The following PHACTR3 variants were observed in gnomAD, a reference collection of about 807,000 sequenced individuals.
The protein encoded by PHACTR3 is protein phosphatase 1, regulatory subunit 123.
A neutral mutation model predicts 66.8 loss-of-function variants in PHACTR3; 16 were observed. The ratio of observed to expected loss-of-function variants is 0.24; its 90% CI spans 0.16 to 0.36. The LOEUF is 0.36. Ranked by LOEUF, PHACTR3 falls within the 10% of genes least tolerant of loss-of-function variation. The pLI, the probability that PHACTR3 is intolerant of heterozygous loss-of-function variation, is 1.00. For missense variants in PHACTR3, 647 were observed against 719.9 expected (o/e 0.90, Z 1.16); for synonymous variants, 323 against 292.1 (o/e 1.11, Z -1.08).
intron 1 of PHACTR3, among the ~76,000 whole-genome samples, chr20:59,723,483 T>C (rs185687081): frequency 2.7e-4 from 41 of 152,254 alleles, no homozygotes; most frequent in African/African-American, 9.6e-4. Flanking sequence ...TAGACCATAC[T>C]CTCTTTATCC....
chr20:59,814,666 G>A (rs1461735641), intron 8 of PHACTR3, among the ~76,000 whole-genome samples: 1 of 152,080 alleles, frequency 6.6e-6, no homozygotes, highest in Non-Finnish European at 1.5e-5. Flanking sequence ...CTTCCCTCCA[G>A]TTTCACACAC....
intron 5 of PHACTR3, among the ~76,000 whole-genome samples, chr20:59,770,009 C>T (rs374939511): frequency 2.6e-5 from 4 of 152,168 alleles, no homozygotes; most frequent in African/African-American, 7.2e-5. Context: ...TTTATTCTGG[C>T]GAATGTATAA....
chr20:59,602,625 C>A (rs572237167), upstream of PHACTR3, among the ~76,000 whole-genome samples: 1 of 152,112 alleles, frequency 6.6e-6, no homozygotes, highest in East Asian at 1.9e-4. Context: ...TCCTCCCCCC[C>A]ACCTATAGCC....
intron 1 of PHACTR3, among the ~76,000 whole-genome samples, chr20:59,648,547 G>A (rs928172252): frequency 4.6e-5 from 7 of 152,184 alleles, no homozygotes; most frequent in African/African-American, 1.7e-4. Context: ...CAGCAAGAGG[G>A]TGGCTTAATC....
intron 7 of PHACTR3, among the ~76,000 whole-genome samples, chr20:59,782,162 T>C (rs2040747458): frequency 6.6e-6 from 1 of 152,160 alleles, no homozygotes; most frequent in African/African-American, 2.4e-5. Flanking sequence ...TATTAGTCCG[T>C]TTTCACACTG....
intron 1 of PHACTR3, among the ~76,000 whole-genome samples, chr20:59,596,840 A>G (rs1032058614): frequency 6.6e-6 from 1 of 152,242 alleles, no homozygotes; most frequent in African/African-American, 2.4e-5. Context: ...GGTCACGTGC[A>G]GGCACCAGTG....
intron 8 of PHACTR3, among the ~76,000 whole-genome samples, chr20:59,816,188 C>A (rs919091971): frequency 4.0e-5 from 6 of 151,872 alleles, no homozygotes; most frequent in Non-Finnish European, 7.4e-5. Flanking sequence ...AAGAAGTGTG[C>A]AACCCAGATC....
At chr20:59,590,669 G>A (rs975345244) in intron 1 of PHACTR3, among the ~76,000 whole-genome samples, 4 of 152,114 alleles carry the variant, frequency 2.6e-5, no homozygotes, top group Admixed American at 1.3e-4. Flanking sequence ...GACTTTTTGG[G>A]CTACAACAAC....
At chr20:59,846,978 C>T (rs2059162942) in intron 12 of PHACTR3, 137 bp from the exon 13 acceptor site, 1 of 591,248 alleles carries the variant, frequency 1.7e-6, no homozygotes, top group Non-Finnish European at 3.1e-6. Flanking sequence ...ACCAGAGTAG[C>T]TCCATCCTCA....
At chr20:59,840,585 C>T (rs562405002) in intron 10 of PHACTR3, among the ~76,000 whole-genome samples, 155 bp downstream of exon 10, 142 of 152,314 alleles carry the variant, frequency 9.3e-4, no homozygotes, top group Non-Finnish European at 1.0e-3. Flanking sequence ...GATATTTGCT[C>T]AGCAACAATG....
At chr20:59,719,117 C>T (rs560361739) in intron 1 of PHACTR3, among the ~76,000 whole-genome samples, 77 of 152,320 alleles carry the variant, frequency 5.1e-4, no homozygotes, top group African/African-American at 1.5e-3. Context: ...CCGGGGCTGT[C>T]GGGCTGCTAA....
chr20:59,697,943 C>G (rs2037359974), intron 1 of PHACTR3, among the ~76,000 whole-genome samples: 1 of 152,204 alleles, frequency 6.6e-6, no homozygotes, highest in African/African-American at 2.4e-5. Context: ...GTATGGCCAT[C>G]TTGCAGACAC....
At position 59,577,667 on chromosome 20, in the gene PHACTR3, C is replaced by A. The variant is rs2032751572; in HGVS notation, c.109+50C>A. On this transcript the variant is annotated intron_variant, in intron 1 of 12. Transcript: ENST00000359926. ...ACGCGGGACGTGGGGCCCGGGGTGC[C>A]CGCCGGGCACGAGGCGCTGGGGGAC... is the stretch of plus-strand genomic sequence containing the variant. The A allele has an allele frequency of 7.9e-6, 9 of 1,142,960 alleles. No homozygotes were observed. The East Asian group carries it at 3.1e-4, about 40-fold the overall frequency. 70.8% of individuals were successfully genotyped at this position (1,142,960 alleles called of 1,614,324 possible).
intron 2 of PHACTR3, among the ~76,000 whole-genome samples, chr20:59,743,502 G>A (rs978685207): frequency 7.2e-5 from 11 of 152,220 alleles, no homozygotes; most frequent in African/African-American, 1.7e-4. Context: ...CATGTGGGAC[G>A]CTCTGCCCAG....
intron 7 of PHACTR3, among the ~76,000 whole-genome samples, chr20:59,798,849 T>C (rs1361278): frequency 0.97 from 148,243 of 152,060 alleles, 72,292 homozygotes; most frequent in East Asian, 1. Context: ...TCTTCTACTC[T>C]TGTGGTTTAT....
intron 1 of PHACTR3, among the ~76,000 whole-genome samples, chr20:59,607,064 G>A (rs1212757962): frequency 6.6e-6 from 1 of 152,172 alleles, no homozygotes; most frequent in South Asian, 2.1e-4. Context: ...GAGGAAGGGC[G>A]GGCTCAGGGA....
chr20:59,581,880 C>CA (rs11478164), intron 1 of PHACTR3, among the ~76,000 whole-genome samples: 131 of 133,474 alleles, frequency 9.8e-4, no homozygotes, highest in Admixed American at 2.3e-3. Context: ...GACTCCGTCT[C>CA]AAAAAAAAAA....
At chr20:59,671,603 C>T (rs576134439) in intron 1 of PHACTR3, among the ~76,000 whole-genome samples, 1 of 152,232 alleles carries the variant, frequency 6.6e-6, no homozygotes, top group Non-Finnish European at 1.5e-5. Context: ...GATTTTCTTT[C>T]TGGCTTGGCT....
chr20:59,779,364 G>A (rs1159148237), intron 7 of PHACTR3, among the ~76,000 whole-genome samples: 1 of 152,160 alleles, frequency 6.6e-6, no homozygotes, highest in Non-Finnish European at 1.5e-5. Flanking sequence ...TTTTTGGGGG[G>A]AAAATTACTC....
Sources: gnomAD v4.1 joint callset for allele counts (sites outside exome capture counted in the v4.1 genomes callset) on GRCh38, gnomAD v4.1.1 for gene constraint, MANE v1.5 for transcripts, NCBI Gene and HGNC (gene_info 2026-07-23, HGNC 2026-07-21) for gene names.